BNIPL: variants seen among roughly 807,000 people sequenced by gnomAD.
BNIPL encodes BCL2 interacting protein like, also known as bcl-2/adenovirus E1B 19 kDa-interacting protein 2-like protein.
In BNIPL, 33 loss-of-function variants were observed where a neutral mutation model predicts 47.0. The observed-to-expected ratio is 0.70, with a 90% CI of 0.53 to 0.94. BNIPL has a LOEUF of 0.94. BNIPL is among the 40% of genes least tolerant of loss of function. The pLI, the probability that BNIPL is intolerant of heterozygous loss-of-function variation, is 0.00. For missense variants in BNIPL, 404 were observed against 445.2 expected (o/e 0.91, Z 0.83); for synonymous variants, 145 against 162.7 (o/e 0.89, Z 0.83).
chr1:151,045,577 AAAT>A, intron 7 of BNIPL: 2 of 793,232 alleles, frequency 2.5e-6, no homozygotes, highest in Non-Finnish European at 3.6e-6. Flanking sequence ...AAAAAAAAAA[AAAT>A]CTTGAGAGTT....
chr1:151,047,701 G>A lies in BNIPL; in HGVS notation c.*1014G>A, dbSNP rs948079776. 2.4e-5 allele frequency: 32 copies of A among 1,353,110 alleles called. No homozygotes were observed. In the African/African-American group the frequency reaches 4.4e-4, roughly 19 times the overall value. 83.8% of individuals were successfully genotyped at this position (1,353,110 alleles called of 1,614,324 possible). A position where few individuals can be genotyped will look rare whatever the true frequency, so the allele number is the denominator to read the frequency against. On this transcript the variant is annotated 3_prime_UTR_variant, in exon 10 of 10. Transcript: ENST00000368931. ...TAGGAGCACCCCGCGCGGCCCGCGC[G>A]AGCGCGCCTGCGCGTCGAACCCCAC...
chr1:151,038,415 C>A, intron 2 of BNIPL, 89 bp from the exon 3 acceptor site: 2 of 959,792 alleles, frequency 2.1e-6, no homozygotes, highest in Non-Finnish European at 3.3e-6. Flanking sequence ...GTGATAAAAT[C>A]ATGGTGGGGA....
intron 4 of BNIPL, among the ~76,000 whole-genome samples, chr1:151,040,476 C>G (rs778389841): frequency 6.6e-6 from 1 of 151,350 alleles, no homozygotes; most frequent in African/African-American, 2.4e-5. Context: ...CCACTGTACT[C>G]GGCTATGCAA....
chr1:151,038,660 T>C, intron 3 of BNIPL, 92 bp downstream of exon 3: 2 of 1,579,396 alleles, frequency 1.3e-6, no homozygotes, highest in Admixed American at 1.9e-5. Flanking sequence ...CATTTCCCCC[T>C]TTTCCCAAAT....
chr1:151,038,000 C>CAAAAAAAAAAAA (rs58423611), intron 2 of BNIPL, among the ~76,000 whole-genome samples: 14 of 63,950 alleles, frequency 2.2e-4, no homozygotes, highest in African/African-American at 9.4e-4. Context: ...AACTCTGTCT[C>CAAAAAAAAAAAA]AAAAAAAAAA....
intron 4 of BNIPL, 110 bp downstream of exon 4, chr1:151,039,136 T>A: frequency 1.5e-6 from 2 of 1,333,590 alleles, no homozygotes; most frequent in Non-Finnish European, 1.9e-6. Flanking sequence ...GACCAAGGGC[T>A]ACGGCCAGCA....
chr1:151,036,659 G>A lies in BNIPL; in HGVS notation c.-67G>A, dbSNP rs1675606692. The A allele has an allele frequency of 7.1e-7, 1 of 1,415,582 alleles. No individual in the cohort carries two copies. Among genetic ancestry groups the A allele is most frequent in the African/African-American group, 1.4e-5 (1 of 70,806 alleles). 87.7% of individuals were successfully genotyped at this position (1,415,582 alleles called of 1,614,324 possible). A position where few individuals can be genotyped will look rare whatever the true frequency, so the allele number is the denominator to read the frequency against. On this transcript the variant is annotated 5_prime_UTR_variant, in exon 1 of 10. Transcript: ENST00000368931. ...AGAAAAGAGGTAAGGAAGTGTTGGGGGCTGGGACAACCAGCTCCCCAACAA... is the reference window on the plus strand; with the variant it reads ...AGAAAAGAGGTAAGGAAGTGTTGGGAGCTGGGACAACCAGCTCCCCAACAA...
At chr1:151,046,611 C>T (rs1165015207) in intron 9 of BNIPL, 40 bp from the exon 10 acceptor site, 6 of 1,554,924 alleles carry the variant, frequency 3.9e-6, no homozygotes, top group Non-Finnish European at 3.5e-6. Flanking sequence ...CAAGTCCTAC[C>T]CCCTGAACCA....
At chr1:151,043,292 T>C (rs1391484836) in intron 5 of BNIPL, 40 bp from the exon 6 acceptor site, 3 of 1,531,118 alleles carry the variant, frequency 2.0e-6, no homozygotes, top group South Asian at 1.1e-5. Flanking sequence ...TGTCAATACA[T>C]ATTTGTTGAC....
chr1:151,038,871 G>A lies in BNIPL; in HGVS notation c.278G>A (p.Arg93Gln), dbSNP rs143863599. ...MRKRLSAPELRLSLTKGPGND... is the reference protein window; with the variant it reads ...MRKRLSAPELQLSLTKGPGND... ...AAGCGTCTTTCTGCCCCAGAGTTGC[G>A]GCTGAGTCTGACTAAGGGGCCTGGA... The change falls in exon 4 of 10, where the codon CGG (arginine) becomes CAG (glutamine). Residue 93 changes from arginine (R) to glutamine (Q), a missense_variant. Physicochemically the swap from Arg to Gln is conservative, Grantham distance 43. Transcript: ENST00000368931. 3.9e-4 allele frequency: 633 copies of A among 1,613,996 alleles called. 3 individuals carry two copies. In the East Asian group the frequency reaches 6.2e-3, roughly 16 times the overall value.
intron 7 of BNIPL, chr1:151,045,104 A>T (rs1042958297): frequency 2.6e-6 from 1 of 387,012 alleles, no homozygotes; most frequent in African/African-American, 2.2e-5. Flanking sequence ...TATCTCTACT[A>T]AAAAAATACA....
intron 6 of BNIPL, 29 bp downstream of exon 6, chr1:151,043,463 G>A (rs2102965384): frequency 6.4e-7 from 1 of 1,564,558 alleles, no homozygotes; most frequent in Non-Finnish European, 8.8e-7. Context: ...AGGGCTACAG[G>A]GCAGTGTTAG....
rs1676046949 is a variant in BNIPL at position 151,046,898 on chromosome 1, G to A, written c.*211G>A. ...GATCTGCTGGGTGACTTTCATTCCA[G>A]TTGCTGGGACGGAAGGCTGAATGTA... On this transcript the variant is annotated 3_prime_UTR_variant, in exon 10 of 10. Coordinates refer to ENST00000368931, the MANE Select transcript of BNIPL (RefSeq NM_138278.4). 1 of 473,132 alleles carries A rather than the reference G, an allele frequency of 2.1e-6. No individual in the cohort carries two copies. The highest frequency in any genetic ancestry group is 2.0e-5 in the African/African-American group (1 of 49,676). The allele number at this position is 473,132 out of a possible 1,614,324, so 29.3% of individuals were successfully genotyped here.
At chr1:151,038,248 C>T (rs1675696740) in intron 2 of BNIPL, among the ~76,000 whole-genome samples, 1 of 151,402 alleles carries the variant, frequency 6.6e-6, no homozygotes. Context: ...GTGGTGCACA[C>T]CTGTAGGCCC....
chr1:151,046,237 T>C (rs1571845097), intron 9 of BNIPL, 72 bp downstream of exon 9: 15 of 1,570,808 alleles, frequency 9.5e-6, no homozygotes, highest in East Asian at 2.3e-5. Flanking sequence ...TTTAATGCCT[T>C]GGGGGACATA....
At chr1:151,040,482 T>A (rs990547712) in intron 4 of BNIPL, among the ~76,000 whole-genome samples, 2 of 151,366 alleles carry the variant, frequency 1.3e-5, no homozygotes, top group Admixed American at 6.6e-5. Context: ...TACTCGGCTA[T>A]GCAACTATTT....
chr1:151,043,558 C>T (rs377146613), intron 6 of BNIPL, 38 bp from the exon 7 acceptor site: 23 of 1,592,690 alleles, frequency 1.4e-5, no homozygotes, highest in Non-Finnish European at 2.0e-5. Flanking sequence ...TCTCTGAAGC[C>T]CCTAACACAT....
At chr1:151,037,982 A>G (rs189696434) in intron 2 of BNIPL, among the ~76,000 whole-genome samples, 63 of 134,942 alleles carry the variant, frequency 4.7e-4, no homozygotes, top group Admixed American at 1.8e-3. Context: ...CTTGGGCAAC[A>G]AGAGTGAAAC....
chr1:151,043,861 TTC>T, intron 7 of BNIPL, 134 bp downstream of exon 7: 1 of 1,130,668 alleles, frequency 8.8e-7, no homozygotes, highest in East Asian at 2.6e-5. Flanking sequence ...CTCTTTTGTC[TTC>T]TGTCTTCTCT....
Sources: gnomAD v4.1 joint callset for allele counts (sites outside exome capture counted in the v4.1 genomes callset) on GRCh38, gnomAD v4.1.1 for gene constraint, MANE v1.5 for transcripts, NCBI Gene and HGNC (gene_info 2026-07-23, HGNC 2026-07-21) for gene names.